The following CCNB3 variants were observed in gnomAD, a reference collection of about 807,000 sequenced individuals.
CCNB3 encodes G2/mitotic-specific cyclin-B3.
Under a neutral mutation model 68.0 loss-of-function variants are expected in CCNB3, and 12 were observed. That is an observed-to-expected ratio of 0.18 (90% confidence interval 0.11 to 0.29). The LOEUF is 0.29. Among genes scored for constraint, CCNB3 ranks in the 10% least tolerant of loss-of-function variants. CCNB3 has a pLI of 1.00. For missense variants in CCNB3, 904 were observed against 993.1 expected (o/e 0.91, Z 1.21); for synonymous variants, 354 against 388.9 (o/e 0.91, Z 1.06).
At chrX:50,217,283 T>C (rs1935588037) in intron 1 of CCNB3, among the ~76,000 whole-genome samples, 1 of 92,568 alleles carries the variant, frequency 1.1e-5, no homozygotes, top group East Asian at 3.4e-4. Context: ...TTTTTTTTTT[T>C]TTTTTTTTGA....
chrX:50,345,493 T>C (rs782551518), intron 9 of CCNB3, among the ~76,000 whole-genome samples: 1 of 109,519 alleles, frequency 9.1e-6, no homozygotes, highest in South Asian at 4.1e-4. Context: ...TCACCTGCTT[T>C]CTTCCCTCCC....
intron 3 of CCNB3, among the ~76,000 whole-genome samples, chrX:50,287,149 G>A (rs1936255159): frequency 9.0e-6 from 1 of 111,644 alleles, no homozygotes; most frequent in Non-Finnish European, 1.9e-5. Context: ...TTTCATAAGG[G>A]CAGTCTGAGA....
intron 3 of CCNB3, among the ~76,000 whole-genome samples, chrX:50,286,423 C>T (rs1206220034): frequency 1.8e-5 from 2 of 109,516 alleles, no homozygotes; most frequent in Non-Finnish European, 3.8e-5. Flanking sequence ...CCTTAGCATC[C>T]TGAGTAGCTA....
intron 8 of CCNB3, among the ~76,000 whole-genome samples, chrX:50,322,593 G>A (rs1264849873): frequency 4.5e-5 from 5 of 111,712 alleles, no homozygotes; most frequent in African/African-American, 1.6e-4. Flanking sequence ...AAACTAAAGA[G>A]CTTCTGCACA....
chrX:50,306,930 T>C (rs782547793), intron 5 of CCNB3, among the ~76,000 whole-genome samples: 18 of 111,966 alleles, frequency 1.6e-4, no homozygotes, highest in Admixed American at 9.5e-5. Context: ...TGTAGTTTTC[T>C]AGTGGTGTCT....
At chrX:50,338,525 G>T (rs1350593945) in intron 8 of CCNB3, among the ~76,000 whole-genome samples, 1 of 112,008 alleles carries the variant, frequency 8.9e-6, no homozygotes, top group African/African-American at 3.2e-5. Context: ...TTTTCACAGT[G>T]CTTTTCCATA....
chrX:50,302,975 C>T (rs1314933324), intron 5 of CCNB3, among the ~76,000 whole-genome samples: 1 of 110,984 alleles, frequency 9.0e-6, no homozygotes, highest in African/African-American at 3.3e-5. Flanking sequence ...TGTGTATATA[C>T]TTAGGAGTGT....
intron 1 of CCNB3, among the ~76,000 whole-genome samples, chrX:50,212,317 G>A (rs1935496967): frequency 9.0e-6 from 1 of 111,573 alleles, no homozygotes; most frequent in Non-Finnish European, 1.9e-5. Flanking sequence ...AGAATTGCTA[G>A]CATGAGACCA....
chrX:50,226,504 A>C (rs1935812040), intron 1 of CCNB3, among the ~76,000 whole-genome samples: 1 of 58,461 alleles, frequency 1.7e-5, no homozygotes, highest in Admixed American at 2.7e-4. Flanking sequence ...ATAAAAATAT[A>C]TATATAGAAT....
chrX:50,347,190 G>A (rs781916000), intron 10 of CCNB3, among the ~76,000 whole-genome samples: 3 of 111,186 alleles, frequency 2.7e-5, no homozygotes, highest in Non-Finnish European at 3.8e-5. Flanking sequence ...AAATGAGTGC[G>A]ATGTACTTTT....
chrX:50,220,239 C>T (rs1400292923), intron 1 of CCNB3, among the ~76,000 whole-genome samples: 2 of 111,591 alleles, frequency 1.8e-5, no homozygotes, highest in East Asian at 5.6e-4. Context: ...TTCCTCTCTT[C>T]CTATTTGAAT....
At chrX:50,227,015 T>C (rs1299382829) in intron 1 of CCNB3, among the ~76,000 whole-genome samples, 1 of 76,640 alleles carries the variant, frequency 1.3e-5, no homozygotes, top group Non-Finnish European at 2.3e-5. Flanking sequence ...AGAAAATATA[T>C]AAAATATATA....
In CCNB3 at chrX:50,206,417, TAAATG is replaced by T. The variant is rs782661742; in HGVS notation, c.-113+1472_-113+1476del. On this transcript the variant is annotated intron_variant, in intron 1 of 12. Coordinates refer to ENST00000376042, the MANE Select transcript of CCNB3 (RefSeq NM_033031.3). Reference sequence around the variant, plus strand: ...CAAAACTTCCGTCTCTACCAAAAAATAAATGAAATAAAATAAAATTAGCAGTGTGT... The same window carrying T: ...CAAAACTTCCGTCTCTACCAAAAAATAAATAAAATAAAATTAGCAGTGTGT... Among the ~76,000 whole-genome samples, 470 of 100,009 alleles carry T rather than the reference TAAATG, an allele frequency of 4.7e-3. 4 individuals are homozygous for T. The highest frequency in any genetic ancestry group is 0.017 in the African/African-American group (447 of 26,950). The allele number at this position is 100,009 out of a possible 115,157, so 86.8% of individuals were successfully genotyped here. A position where few individuals can be genotyped will look rare whatever the true frequency, so the allele number is the denominator to read the frequency against.
At chrX:50,284,448 G>A (rs904465665) in intron 1 of CCNB3, 94 bp from the exon 2 acceptor site, 7 of 111,855 alleles carry the variant, frequency 6.3e-5, no homozygotes, top group Non-Finnish European at 1.3e-4. Flanking sequence ...TGGAGGCTGG[G>A]AAATCCAAGA....
intron 4 of CCNB3, among the ~76,000 whole-genome samples, chrX:50,292,175 G>A (rs1557210195): frequency 9.0e-6 from 1 of 111,146 alleles, no homozygotes; most frequent in Non-Finnish European, 1.9e-5. Flanking sequence ...TAGCAGTTTT[G>A]TGTAATCAAT....
intron 1 of CCNB3, among the ~76,000 whole-genome samples, chrX:50,279,326 AATATATATGAAT>A (rs1309373246): frequency 2.7e-5 from 2 of 75,390 alleles, no homozygotes; most frequent in African/African-American, 5.4e-5. Context: ...TATATATTTA[AATATATATGAAT>A]ATATATATGA....
In CCNB3 at chrX:50,348,675, C is replaced by T. The variant is rs189544066; in HGVS notation, c.3960+900C>T. ...GATCTAAGCACTTTGTGTATTAACTCATTTAATCTCCACAACAACCCCACA... is the reference window on the plus strand; with the variant it reads ...GATCTAAGCACTTTGTGTATTAACTTATTTAATCTCCACAACAACCCCACA... On this transcript the variant is annotated intron_variant, in intron 11 of 12. Coordinates refer to ENST00000376042, the MANE Select transcript of CCNB3 (RefSeq NM_033031.3). Among the ~76,000 whole-genome samples the T allele has an allele frequency of 7.6e-4, 86 of 112,857 alleles. 1 individual carries two copies. The highest frequency in any genetic ancestry group is 7.5e-4 in the Non-Finnish European group (40 of 53,360).
At chrX:50,318,918 A>G (rs1231240388) in intron 8 of CCNB3, among the ~76,000 whole-genome samples, 7 of 111,734 alleles carry the variant, frequency 6.3e-5, no homozygotes, top group African/African-American at 2.3e-4. Context: ...CCAGTTCCCA[A>G]TAAAATTTTG....
intron 1 of CCNB3, among the ~76,000 whole-genome samples, chrX:50,225,123 T>C (rs935639341): frequency 3.6e-5 from 4 of 111,318 alleles, no homozygotes; most frequent in African/African-American, 1.3e-4. Context: ...GTTAAGGGAC[T>C]GAGTATAATG....
Sources: allele counts gnomAD v4.1 joint callset (sites outside exome capture counted in the v4.1 genomes callset), GRCh38; gene constraint gnomAD v4.1.1; transcripts MANE v1.5; gene names NCBI Gene and HGNC (gene_info 2026-07-23, HGNC 2026-07-21).